ADAM10: variants seen among roughly 807,000 people sequenced by gnomAD.
The protein encoded by ADAM10 is ADAM metallopeptidase domain 10.
Under a neutral mutation model 90.1 loss-of-function variants are expected in ADAM10, and 17 were observed. That is an observed-to-expected ratio of 0.19 (90% CI 0.13 to 0.28). The LOEUF (loss-of-function observed/expected upper bound fraction) is 0.28. Among genes scored for constraint, ADAM10 ranks in the 10% least tolerant of loss-of-function variants. ADAM10 has a pLI of 1.00. For synonymous variants in ADAM10, 310 were observed against 298.6 expected (o/e 1.04, Z -0.40); for missense variants, 610 against 914.3 (o/e 0.67, Z 4.29).
At position 58,682,200 on chromosome 15, in the gene ADAM10, A is replaced by C; in HGVS notation, c.321T>G (p.Ile107Met). Residue 107 changes from isoleucine to methionine, a missense_variant, in exon 3 of 16, where the codon ATT becomes ATG. By Grantham distance (10) the Ile-to-Met change is conservative. This residue lies in a region of ADAM10 where 310 missense variants were observed against 362.4 expected (regional missense o/e 0.86). Transcript: ENST00000260408. ...TTCTGTTAAGGTCCAACTTACCATAAATATGTCCAGTGTAAATATGAGAGG... is the reference window on the plus strand; with the variant it reads ...TTCTGTTAAGGTCCAACTTACCATACATATGTCCAGTGTAAATATGAGAGG... Reference protein sequence around the residue: ...YDTSHIYTGHIYGEEGSFSHG... With the variant: ...YDTSHIYTGHMYGEEGSFSHG... 1.9e-6 allele frequency: 3 copies of C among 1,612,456 alleles called. No individual in the cohort carries two copies. The highest frequency in any genetic ancestry group is 1.7e-6 in the Non-Finnish European group (2 of 1,179,234).
intron 7 of ADAM10, among the ~76,000 whole-genome samples, chr15:58,641,471 G>C (rs553858439): frequency 6.6e-6 from 1 of 152,134 alleles, no homozygotes; most frequent in African/African-American, 2.4e-5. Flanking sequence ...CTTGCCTAGA[G>C]AGTCACATGA....
intron 7 of ADAM10, among the ~76,000 whole-genome samples, chr15:58,641,235 GAA>G (rs1896409292): frequency 6.6e-6 from 1 of 152,126 alleles, no homozygotes; most frequent in Admixed American, 6.5e-5. Context: ...CCTGAACACT[GAA>G]CACTTGGGAA....
intron 14 of ADAM10, among the ~76,000 whole-genome samples, chr15:58,603,088 T>C (rs1032948018): frequency 1.3e-5 from 2 of 152,234 alleles, no homozygotes; most frequent in Non-Finnish European, 2.9e-5. Context: ...TTCTTGAGAC[T>C]GCCAGATTTT....
chr15:58,736,518 G>C (rs1899435713), intron 1 of ADAM10, among the ~76,000 whole-genome samples: 1 of 152,040 alleles, frequency 6.6e-6, no homozygotes, highest in African/African-American at 2.4e-5. Context: ...AATCTCCTTA[G>C]TTATGTAGCA....
chr15:58,629,344 C>G (rs1896035083), intron 9 of ADAM10: 1 of 152,184 alleles, frequency 6.6e-6, no homozygotes, highest in South Asian at 2.1e-4. Flanking sequence ...ACAGATATTG[C>G]TAGTCAATTA....
chr15:58,694,021 C>T (rs539685210), intron 2 of ADAM10, among the ~76,000 whole-genome samples: 2 of 152,328 alleles, frequency 1.3e-5, no homozygotes, highest in East Asian at 1.9e-4. Context: ...TATATTATCA[C>T]ATACCCTTTG....
chr15:58,603,505 C>T (rs1895170883), intron 14 of ADAM10, among the ~76,000 whole-genome samples: 2 of 152,258 alleles, frequency 1.3e-5, no homozygotes, highest in South Asian at 4.2e-4. Context: ...CGATGATGGG[C>T]AAGTTGGGTA....
intron 5 of ADAM10, among the ~76,000 whole-genome samples, chr15:58,658,896 T>C (rs558381579): frequency 1.1e-3 from 170 of 152,322 alleles, no homozygotes; most frequent in African/African-American, 3.8e-3. Context: ...CTTTAACTAC[T>C]TCCTTTATAA....
intron 2 of ADAM10, chr15:58,704,302 C>T (rs1898218889): frequency 6.6e-6 from 1 of 152,170 alleles, no homozygotes; most frequent in African/African-American, 2.4e-5. Context: ...TTGCCAGGGA[C>T]TGGAGGGAGA....
At chr15:58,697,936 A>C (rs1294187077) in intron 2 of ADAM10, among the ~76,000 whole-genome samples, 2 of 152,126 alleles carry the variant, frequency 1.3e-5, no homozygotes, top group African/African-American at 4.8e-5. Context: ...CGAATAATTT[A>C]TACGGAGACT....
At chr15:58,747,389 A>T (rs1054573128) in intron 1 of ADAM10, 4 of 152,176 alleles carry the variant, frequency 2.6e-5, no homozygotes, top group Admixed American at 6.5e-5. Flanking sequence ...ACTACCTGAA[A>T]ATGATTTACA....
intron 4 of ADAM10, among the ~76,000 whole-genome samples, chr15:58,677,498 A>G (rs1897324041): frequency 6.6e-6 from 1 of 152,180 alleles, no homozygotes; most frequent in South Asian, 2.1e-4. Context: ...TATGCAAAAA[A>G]TACAATTATA....
chr15:58,627,934 C>T, intron 9 of ADAM10, 51 bp from the exon 10 acceptor site: 1 of 1,553,518 alleles, frequency 6.4e-7, no homozygotes, highest in Non-Finnish European at 8.8e-7. Context: ...ATAAGGTTTT[C>T]AGGTCAACTG....
At chr15:58,722,654 T>G (rs1175015262) in intron 1 of ADAM10, among the ~76,000 whole-genome samples, 1 of 151,840 alleles carries the variant, frequency 6.6e-6, no homozygotes. Context: ...TGTTTGTAGC[T>G]TGAAATCAGC....
intron 2 of ADAM10, among the ~76,000 whole-genome samples, chr15:58,713,654 G>A (rs1274453864): frequency 2.0e-5 from 3 of 152,140 alleles, no homozygotes; most frequent in Non-Finnish European, 4.4e-5. Context: ...GCTAAGAGAT[G>A]TATTTTACCC....
chr15:58,625,050 A>G (rs1895897318), intron 10 of ADAM10, among the ~76,000 whole-genome samples: 1 of 152,208 alleles, frequency 6.6e-6, no homozygotes, highest in African/African-American at 2.4e-5. Flanking sequence ...TGACAATAAC[A>G]ATAACAAAAA....
chr15:58,641,939 CAA>C (rs1315578167), intron 7 of ADAM10, among the ~76,000 whole-genome samples: 3 of 152,092 alleles, frequency 2.0e-5, no homozygotes, highest in Admixed American at 2.0e-4. Flanking sequence ...AGCAGGGAGG[CAA>C]AAACACCATT....
At chr15:58,741,542 C>T (rs1899616253) in intron 1 of ADAM10, among the ~76,000 whole-genome samples, 1 of 152,172 alleles carries the variant, frequency 6.6e-6, no homozygotes, top group African/African-American at 2.4e-5. Context: ...AGCTTCTATC[C>T]AGACTCAAAA....
At chr15:58,725,652 G>A (rs1321807787) in intron 1 of ADAM10, among the ~76,000 whole-genome samples, 3 of 151,882 alleles carry the variant, frequency 2.0e-5, no homozygotes, top group Non-Finnish European at 2.9e-5. Context: ...TCATCTGTGG[G>A]TAGGGAAGCA....
Sources: gnomAD v4.1 joint callset for allele counts (sites outside exome capture counted in the v4.1 genomes callset) on GRCh38, gnomAD v4.1.1 for gene constraint, gnomAD v4.1.1 regional missense constraint, MANE v1.5 for transcripts, NCBI Gene and HGNC (gene_info 2026-07-23, HGNC 2026-07-21) for gene names.